The following VPS50 variants were observed in gnomAD, a reference collection of about 807,000 sequenced individuals.
VPS50 encodes the protein syndetin.
In VPS50, 70 loss-of-function variants were observed where a neutral mutation model predicts 139.7. The ratio of observed to expected loss-of-function variants is 0.50; its 90% CI spans 0.41 to 0.61. The LOEUF is 0.61. Ranked by LOEUF, VPS50 falls within the 20% of genes least tolerant of loss-of-function variation. The pLI is 0.00. For synonymous variants in VPS50, 365 were observed against 376.7 expected, an observed-to-expected ratio of 0.97 and a Z score of 0.36; for missense variants, 921 against 1,133.7, an observed-to-expected ratio of 0.81 and a Z score of 2.69.
intron 20 of VPS50, 107 bp downstream of exon 20, chr7:93,311,379 A>C: frequency 1.5e-6 from 1 of 650,370 alleles, no homozygotes; most frequent in African/African-American, 1.8e-5. Context: ...TGCTCTATGC[A>C]ATGAGGGATT....
intron 12 of VPS50, among the ~76,000 whole-genome samples, chr7:93,287,421 CT>C (rs201490850): frequency 0.046 from 6,477 of 140,404 alleles, 170 homozygotes; most frequent in African/African-American, 0.071. Context: ...TGAAGGACCT[CT>C]TTTTTTTTTT....
At chr7:93,324,107 T>A (rs1797697191) in intron 21 of VPS50, among the ~76,000 whole-genome samples, 1 of 152,198 alleles carries the variant, frequency 6.6e-6, no homozygotes, top group African/African-American at 2.4e-5. Flanking sequence ...AGTATATTTA[T>A]AAGATAATGA....
intron 21 of VPS50, among the ~76,000 whole-genome samples, chr7:93,324,431 A>AGAT (rs1797708385): frequency 6.6e-6 from 1 of 152,170 alleles, no homozygotes; most frequent in Non-Finnish European, 1.5e-5. Flanking sequence ...GGTTTGTCAT[A>AGAT]GATAGCTCTT....
intron 12 of VPS50, among the ~76,000 whole-genome samples, chr7:93,286,123 G>A (rs538508667): frequency 6.6e-6 from 1 of 152,246 alleles, no homozygotes; most frequent in South Asian, 2.1e-4. Flanking sequence ...TTAAGTGGAA[G>A]AGTAGCAGTG....
At chr7:93,282,214 A>AC (rs1796352117) in intron 12 of VPS50, among the ~76,000 whole-genome samples, 1 of 152,090 alleles carries the variant, frequency 6.6e-6, no homozygotes, top group African/African-American at 2.4e-5. Flanking sequence ...AAAAAAAAAA[A>AC]AACAAAAAAC....
chr7:93,259,883 A>G (rs1464189778), intron 9 of VPS50, among the ~76,000 whole-genome samples: 1 of 152,082 alleles, frequency 6.6e-6, no homozygotes, highest in Non-Finnish European at 1.5e-5. Context: ...TTCCAATCCA[A>G]CTGATTCTAT....
rs1228668558 is a variant in VPS50 at position 93,259,571 on chromosome 7, A to T, written c.598A>T (p.Ile200Phe). 1.9e-6 allele frequency: 3 copies of T among 1,589,304 alleles called. No individual in the cohort carries two copies. Among genetic ancestry groups the T allele is most frequent in the Non-Finnish European group, 2.6e-6 (3 of 1,158,074 alleles). Residue 200 changes from isoleucine (I) to phenylalanine (F), a missense_variant, in exon 9 of 28, where the codon ATT becomes TTT. Around this residue, in one of 3 missense-constraint regions of VPS50, gnomAD observed 744 missense variants for 930.6 expected, o/e 0.80. Coordinates refer to ENST00000305866, the MANE Select transcript of VPS50 (RefSeq NM_017667.4). ...TAAGGAGGAAGATTATCCAGGAGCTATTCAGTTGTGCCTTGAATGTCAAAA... is the reference window on the plus strand; with the variant it reads ...TAAGGAGGAAGATTATCCAGGAGCTTTTCAGTTGTGCCTTGAATGTCAAAA... Reference protein sequence around the residue: ...MLEEEDYPGAIQLCLECQKAA... With the variant: ...MLEEEDYPGAFQLCLECQKAA...
In VPS50 at chr7:93,311,256, C is replaced by T. The variant is rs557310281; in HGVS notation, c.1839C>T (p.Asn613=). The part of the protein sequence containing the change: ...NAPILTNTTL[N]VIRLVGKYMQ... ...CTATCTTAACAAATACAACATTGAA[C>T]GTCATAAGACTTGTTGGTAAGTAGC... The change falls in exon 20 of 28, where the codon AAC becomes AAT. Residue 613 remains asparagine (N), a synonymous_variant. Transcript: ENST00000305866. The T allele has an allele frequency of 1.3e-5, 16 of 1,209,534 alleles. No homozygotes were observed. The highest frequency in any genetic ancestry group is 6.0e-5 in the South Asian group (5 of 82,704). 74.9% of individuals were successfully genotyped at this position (1,209,534 alleles called of 1,614,324 possible).
At chr7:93,270,390 A>T (rs1196020242) in intron 9 of VPS50, among the ~76,000 whole-genome samples, 1 of 152,044 alleles carries the variant, frequency 6.6e-6, no homozygotes, top group African/African-American at 2.4e-5. Flanking sequence ...ATGGAAGCAT[A>T]CAGTATATAC....
At chr7:93,260,067 A>T (rs1345339185) in intron 9 of VPS50, among the ~76,000 whole-genome samples, 1 of 152,188 alleles carries the variant, frequency 6.6e-6, no homozygotes, top group Non-Finnish European at 1.5e-5. Flanking sequence ...TCTTTTGGAA[A>T]ATTTAAGTAT....
intron 12 of VPS50, among the ~76,000 whole-genome samples, chr7:93,289,269 A>G (rs1169171213): frequency 6.6e-6 from 1 of 152,112 alleles, no homozygotes; most frequent in African/African-American, 2.4e-5. Context: ...TATTACAAGT[A>G]AAACTACACA....
intron 20 of VPS50, among the ~76,000 whole-genome samples, chr7:93,316,698 T>G (rs59874704): frequency 0.23 from 34,999 of 152,058 alleles, 4,286 homozygotes; most frequent in Admixed American, 0.36. Context: ...ACTTTGGACA[T>G]ATAGAGGTAC....
chr7:93,345,111 A>C (rs1798351907), intron 23 of VPS50, among the ~76,000 whole-genome samples: 1 of 152,186 alleles, frequency 6.6e-6, no homozygotes, highest in African/African-American at 2.4e-5. Context: ...AAGAGAGAAG[A>C]ATCAAATAGA....
intron 9 of VPS50, among the ~76,000 whole-genome samples, chr7:93,265,474 G>T (rs1226450957): frequency 6.6e-6 from 1 of 152,182 alleles, no homozygotes; most frequent in Non-Finnish European, 1.5e-5. Context: ...TCCGATCTGT[G>T]ATCTAGAATT....
Position 93,296,036 on chromosome 7 carries a change from T to C in VPS50, c.1168-706T>C, listed in dbSNP as rs1796800448. Among the ~76,000 whole-genome samples the C allele has an allele frequency of 2.0e-5, 3 of 152,204 alleles. No individual in the cohort carries two copies. The South Asian group carries it at 6.2e-4, about 31-fold the overall frequency. ...CCACCATGCCCAGCTTGACCATCTT[T>C]TATAGGATATGTTTTGAAAAAAATT... On this transcript the variant is annotated intron_variant, in intron 14 of 27. Coordinates refer to ENST00000305866, the MANE Select transcript of VPS50 (RefSeq NM_017667.4).
chr7:93,317,227 C>T (rs537009942), intron 20 of VPS50, among the ~76,000 whole-genome samples: 24 of 152,192 alleles, frequency 1.6e-4, no homozygotes, highest in Admixed American at 5.2e-4. Flanking sequence ...TTTTGGCATG[C>T]GTCAGTATCA....
In VPS50 at chr7:93,256,524, G is replaced by A; in HGVS notation, c.313G>A (p.Ala105Thr). ...QQQAAVSKKV[A>T]DLILEKQPAY... ...CTTCTTATAGGTATCTAAAAAAGTG[G>A]CAGATTTAATCCTTGAAAAACAGCC... is the stretch of plus-strand genomic sequence containing the variant. The change falls in exon 5 of 28, where the codon GCA (alanine) becomes ACA (threonine). Residue 105 changes from alanine to threonine, a missense_variant. Ala to Thr is a moderately conservative substitution (Grantham distance 58). This residue lies in a region of VPS50 where 744 missense variants were observed against 930.6 expected (regional missense o/e 0.80). Transcript: ENST00000305866. 2 of 1,440,176 alleles carry A rather than the reference G, an allele frequency of 1.4e-6. No individual in the cohort carries two copies. Among genetic ancestry groups the A allele is most frequent in the Non-Finnish European group, 1.9e-6 (2 of 1,075,060 alleles). The allele number at this position is 1,440,176 out of a possible 1,614,324, so 89.2% of individuals were successfully genotyped here. A position where few individuals can be genotyped will look rare whatever the true frequency, so the allele number is the denominator to read the frequency against.
Position 93,355,897 on chromosome 7 carries a change from C to T in VPS50, c.2592C>T (p.Ala864=). 1.3e-6 allele frequency: 2 copies of T among 1,555,800 alleles called. No individual in the cohort carries two copies. The highest frequency in any genetic ancestry group is 1.8e-6 in the Non-Finnish European group (2 of 1,141,472). ...TTATTGTTTTGCATCTTAGATATGCCAATGTCAAGAAATGCAGTAATGAGG... is the reference window on the plus strand; with the variant it reads ...TTATTGTTTTGCATCTTAGATATGCTAATGTCAAGAAATGCAGTAATGAGG... ...LANRTIVEGY[A]NVKKCSNEGR... Residue 864 remains alanine (A), a synonymous_variant, in exon 27 of 28, where the codon GCC becomes GCT. Transcript: ENST00000305866.
chr7:93,291,858 T>C, intron 13 of VPS50, 23 bp downstream of exon 13: 1 of 1,505,476 alleles, frequency 6.6e-7, no homozygotes, highest in Non-Finnish European at 9.0e-7. Context: ...TTTTATTTTA[T>C]TTTAAAAATT....
Sources: gnomAD v4.1 joint callset for allele counts (sites outside exome capture counted in the v4.1 genomes callset) on GRCh38, gnomAD v4.1.1 for gene constraint, gnomAD v4.1.1 regional missense constraint, MANE v1.5 for transcripts, NCBI Gene and HGNC (gene_info 2026-07-23, HGNC 2026-07-21) for gene names.